UBXN2A: variants seen among roughly 807,000 people sequenced by gnomAD.
UBXN2A encodes the protein UBX domain-containing protein 2A.
In UBXN2A, 28 loss-of-function variants were observed where a neutral mutation model predicts 28.4. The ratio of observed to expected loss-of-function variants is 0.99; its 90% CI spans 0.73 to 1.35. The LOEUF is 1.35. Ranked by LOEUF, UBXN2A falls within the 40% of genes most tolerant of loss-of-function variation. The pLI, the probability that UBXN2A is intolerant of heterozygous loss-of-function variation, is 0.00. For synonymous variants in UBXN2A, 97 were observed against 103.6 expected (o/e 0.94, Z 0.39); for missense variants, 253 against 297.9 (o/e 0.85, Z 1.11).
chr2:24,002,411 A>G lies in UBXN2A; in HGVS notation c.*2544A>G, dbSNP rs146052501. 1 of 146,998 alleles carries G rather than the reference A, an allele frequency of 6.8e-6. No individual in the cohort carries two copies. The highest frequency in any genetic ancestry group is 2.5e-5 in the African/African-American group (1 of 39,460). The allele number at this position is 146,998 out of a possible 1,614,324, so 9.1% of individuals were successfully genotyped here. On this transcript the variant is annotated 3_prime_UTR_variant, in exon 7 of 7. Transcript: ENST00000309033. ...CAGAGTAAGACCCTGCCGTAATAAT[A>G]ATAACTTTTTTTTTTTTGAGATAGA...
At chr2:23,949,514 C>T (rs1302294469) in intron 1 of UBXN2A, among the ~76,000 whole-genome samples, 1 of 150,830 alleles carries the variant, frequency 6.6e-6, no homozygotes, top group Non-Finnish European at 1.5e-5. Context: ...AGAGGTTGCA[C>T]TCCAGCCTGG....
chr2:23,931,527 G>A (rs1238051876), intron 1 of UBXN2A, among the ~76,000 whole-genome samples: 2 of 151,950 alleles, frequency 1.3e-5, no homozygotes, highest in Admixed American at 6.6e-5. Flanking sequence ...TAACTAAAAC[G>A]TTGGTTAAAT....
intron 4 of UBXN2A, among the ~76,000 whole-genome samples, chr2:23,982,011 G>A (rs1029970960): frequency 1.3e-5 from 2 of 151,974 alleles, no homozygotes; most frequent in African/African-American, 4.8e-5. Flanking sequence ...TAATACTGAC[G>A]ATAGCTGATA....
intron 1 of UBXN2A, among the ~76,000 whole-genome samples, chr2:23,949,601 G>A (rs930971039): frequency 7.8e-4 from 118 of 151,572 alleles, no homozygotes; most frequent in Non-Finnish European, 1.6e-4. Context: ...ATAGCCGGGC[G>A]TGGTTGCCCA....
chr2:23,993,626 A>G (rs888338388), intron 6 of UBXN2A, among the ~76,000 whole-genome samples: 17 of 151,010 alleles, frequency 1.1e-4, no homozygotes, highest in African/African-American at 3.9e-4. Context: ...TCTGTTTTTT[A>G]CCCAGTTTGA....
chr2:23,935,865 C>T (rs1705510334), upstream of UBXN2A, among the ~76,000 whole-genome samples: 1 of 152,116 alleles, frequency 6.6e-6, no homozygotes, highest in Non-Finnish European at 1.5e-5. Flanking sequence ...GCCTGGTCAA[C>T]ATGGCGAAAC....
At chr2:23,946,470 G>A (rs1045331505) in intron 1 of UBXN2A, among the ~76,000 whole-genome samples, 10 of 151,686 alleles carry the variant, frequency 6.6e-5, no homozygotes, top group Non-Finnish European at 1.3e-4. Context: ...ATAGGCGCAC[G>A]CCACTATACC....
chr2:23,964,575 AT>A lies in UBXN2A; in HGVS notation c.41+6221del, dbSNP rs1310320124. Among the ~76,000 whole-genome samples, 4 of 152,292 alleles carry A rather than the reference AT, an allele frequency of 2.6e-5. No homozygotes were observed. The East Asian group carries it at 7.7e-4, about 29-fold the overall frequency. On this transcript the variant is annotated intron_variant, in intron 2 of 6. Transcript: ENST00000309033. Reference sequence around the variant, plus strand: ...AACATAGATGAACCTTGAGGATATAATGGTGGTTGCCAGGGGCTAGGGGAAA... The same window carrying A: ...AACATAGATGAACCTTGAGGATATAAGGTGGTTGCCAGGGGCTAGGGGAAA...
At chr2:23,975,086 T>A (rs1032423612) in intron 3 of UBXN2A, among the ~76,000 whole-genome samples, 10 of 152,172 alleles carry the variant, frequency 6.6e-5, no homozygotes, top group African/African-American at 2.2e-4. Flanking sequence ...TAAATTTTTT[T>A]ATATAATTAA....
At chr2:23,953,393 C>A (rs895703609) in intron 1 of UBXN2A, among the ~76,000 whole-genome samples, 10 of 152,140 alleles carry the variant, frequency 6.6e-5, no homozygotes, top group Non-Finnish European at 1.5e-4. Context: ...ACTCCCCAAT[C>A]CACTTGATTG....
chr2:23,977,566 G>A (rs192299262), intron 4 of UBXN2A, among the ~76,000 whole-genome samples: 89 of 152,138 alleles, frequency 5.8e-4, no homozygotes, highest in African/African-American at 1.9e-3. Flanking sequence ...ACTTGAACCC[G>A]AGAGGCGGAG....
At chr2:23,935,040 A>T (rs1171649139) in intron 1 of UBXN2A, among the ~76,000 whole-genome samples, 2 of 152,164 alleles carry the variant, frequency 1.3e-5, no homozygotes, top group African/African-American at 4.8e-5. Flanking sequence ...GCACCACTGC[A>T]CTCCAGCCCA....
chr2:23,985,996 A>C (rs1708112541), intron 6 of UBXN2A, among the ~76,000 whole-genome samples: 1 of 151,888 alleles, frequency 6.6e-6, no homozygotes, highest in African/African-American at 2.4e-5. Context: ...CAAAAAATAA[A>C]AATAATCATA....
intron 6 of UBXN2A, among the ~76,000 whole-genome samples, chr2:23,985,309 C>T (rs978867665): frequency 1.3e-5 from 2 of 152,012 alleles, no homozygotes; most frequent in Non-Finnish European, 2.9e-5. Context: ...AGTGTAGTGG[C>T]ACGATCTCAG....
intron 1 of UBXN2A, among the ~76,000 whole-genome samples, chr2:23,949,874 C>A (rs1374672184): frequency 9.5e-5 from 14 of 147,518 alleles, no homozygotes; most frequent in East Asian, 2.0e-4. Context: ...GACTCTGTCT[C>A]AAAAAAAAAA....
At chr2:23,966,132 T>G (rs566020748) in intron 2 of UBXN2A, among the ~76,000 whole-genome samples, 1 of 152,224 alleles carries the variant, frequency 6.6e-6, no homozygotes, top group Admixed American at 6.5e-5. Flanking sequence ...TATCTCTTAT[T>G]GTAGTTATTT....
chr2:23,982,380 A>T (rs1707948413), intron 4 of UBXN2A, among the ~76,000 whole-genome samples: 1 of 151,928 alleles, frequency 6.6e-6, no homozygotes, highest in South Asian at 2.1e-4. Flanking sequence ...AAAAAAAAAA[A>T]GTTTACAAAT....
intron 3 of UBXN2A, 121 bp downstream of exon 3, chr2:23,971,535 C>T (rs1471963877): frequency 1.7e-6 from 2 of 1,147,178 alleles, no homozygotes; most frequent in East Asian, 2.5e-5. Context: ...GTCACCCAGA[C>T]TGGAGTGCAG....
chr2:23,962,507 A>G lies in UBXN2A; in HGVS notation c.41+4152A>G, dbSNP rs1011942100. Among the ~76,000 whole-genome samples, 3 of 152,152 alleles carry G rather than the reference A, an allele frequency of 2.0e-5. No homozygotes were observed. In the South Asian group the frequency reaches 6.2e-4, roughly 32 times the overall value. On this transcript the variant is annotated intron_variant, in intron 2 of 6. Coordinates refer to ENST00000309033, the MANE Select transcript of UBXN2A (RefSeq NM_181713.4). ...ACTCAGTAGCAAAAAACTAATAATC[A>G]TAGCAACTGTATTAGTCCATTTTCA...
Sources: allele counts gnomAD v4.1 joint callset (sites outside exome capture counted in the v4.1 genomes callset), GRCh38; gene constraint gnomAD v4.1.1; transcripts MANE v1.5; gene names NCBI Gene and HGNC (gene_info 2026-07-23, HGNC 2026-07-21).